Variants in EYS observed in about 807,000 individuals in gnomAD.
EYS encodes EGF-like photoreceptor maintenance factor.
Under a neutral mutation model 282.1 loss-of-function variants are expected in EYS, and 250 were observed. The ratio of observed to expected loss-of-function variants is 0.89; its 90% CI spans 0.80 to 0.98. The LOEUF is 0.98. EYS is among the 50% of genes least tolerant of loss of function. The probability of loss-of-function intolerance (pLI) is 0.00; values close to 1 mark genes in which losing one functional copy is unlikely to be tolerated. For synonymous variants in EYS, 1,355 were observed against 1,282.9 expected (o/e 1.06, Z -1.20); for missense variants, 4,016 against 3,709.0 (o/e 1.08, Z -2.15).
At chr6:64,191,532 T>C (rs1379027957) in intron 31 of EYS, among the ~76,000 whole-genome samples, 1 of 143,290 alleles carries the variant, frequency 7.0e-6, no homozygotes, top group Non-Finnish European at 1.5e-5. Context: ...CCTGTGTCCA[T>C]GTGTTCTCAT....
intron 2 of EYS, among the ~76,000 whole-genome samples, chr6:65,516,169 C>T (rs1767127099): frequency 6.6e-6 from 1 of 151,942 alleles, no homozygotes; most frequent in South Asian, 2.1e-4. Flanking sequence ...TAAAATAATT[C>T]TGGCACATAG....
chr6:65,036,628 A>C (rs975149199), intron 13 of EYS, among the ~76,000 whole-genome samples: 5 of 151,774 alleles, frequency 3.3e-5, no homozygotes, highest in African/African-American at 4.8e-5. Flanking sequence ...CAAAAAAAAA[A>C]CAAAAAAACA....
At chr6:64,492,508 G>T (rs868302351) in intron 26 of EYS, among the ~76,000 whole-genome samples, 6 of 150,804 alleles carry the variant, frequency 4.0e-5, no homozygotes, top group Non-Finnish European at 8.9e-5. Flanking sequence ...TTTAGCCTTT[G>T]TCTTGAATGA....
chr6:65,213,389 T>G (rs1766223589), intron 12 of EYS, among the ~76,000 whole-genome samples: 1 of 152,354 alleles, frequency 6.6e-6, no homozygotes, highest in African/African-American at 2.4e-5. Flanking sequence ...TTTATTATTC[T>G]TTGCTTAATT....
intron 2 of EYS, among the ~76,000 whole-genome samples, chr6:65,618,474 T>G (rs1766313007): frequency 6.6e-6 from 1 of 152,356 alleles, no homozygotes; most frequent in Middle Eastern, 3.4e-3. Context: ...GATGAGTAGG[T>G]TGCAAAAATT....
chr6:65,129,461 A>G (rs1775805761), intron 12 of EYS, among the ~76,000 whole-genome samples: 1 of 151,922 alleles, frequency 6.6e-6, no homozygotes, highest in Non-Finnish European at 1.5e-5. Flanking sequence ...TGAAGAAAAC[A>G]AAAGGCAAAA....
chr6:64,312,559 T>C (rs1299425858), intron 29 of EYS, among the ~76,000 whole-genome samples: 1 of 152,160 alleles, frequency 6.6e-6, no homozygotes, highest in Non-Finnish European at 1.5e-5. Context: ...CTCAAGTGGG[T>C]CCCTGACACC....
chr6:65,250,873 T>C lies in EYS; in HGVS notation c.2023+44990A>G, dbSNP rs549304376. On this transcript the variant is annotated intron_variant, in intron 12 of 42. Transcript: ENST00000503581. The stretch of plus-strand genomic sequence containing the variant: ...GAATTTGCTTCTCTGTGGAAAGACT[T>C]AATTCTACAATAATGCTAGTCCTCA... Among the ~76,000 whole-genome samples the C allele has an allele frequency of 3.3e-5, 5 of 152,004 alleles. No individual in the cohort carries two copies. In the South Asian group the frequency reaches 1.0e-3, roughly 31 times the overall value.
chr6:64,132,079 T>C (rs1414173216), intron 31 of EYS, among the ~76,000 whole-genome samples: 1 of 152,176 alleles, frequency 6.6e-6, no homozygotes, highest in East Asian at 1.9e-4. Flanking sequence ...TATTTCATTA[T>C]AGTTGTCTTT....
chr6:64,449,258 G>A (rs987744750), intron 26 of EYS, among the ~76,000 whole-genome samples: 6 of 152,086 alleles, frequency 3.9e-5, no homozygotes, highest in East Asian at 1.9e-4. Context: ...GGGTATCAGC[G>A]ATGGAAGACG....
At chr6:64,929,962 CATAA>C (rs756477723) in intron 15 of EYS, among the ~76,000 whole-genome samples, 4 of 152,158 alleles carry the variant, frequency 2.6e-5, no homozygotes, top group Non-Finnish European at 5.9e-5. Flanking sequence ...ATAAAATAAA[CATAA>C]ATAAAATCTG....
intron 36 of EYS, among the ~76,000 whole-genome samples, chr6:63,863,881 G>T (rs1275884914): frequency 4.0e-5 from 6 of 151,730 alleles, no homozygotes; most frequent in African/African-American, 1.5e-4. Flanking sequence ...TCACCATGTT[G>T]GTCAGGTGGG....
At chr6:64,175,829 A>G (rs941643388) in intron 31 of EYS, among the ~76,000 whole-genome samples, 1 of 152,152 alleles carries the variant, frequency 6.6e-6, no homozygotes, top group Admixed American at 6.6e-5. Flanking sequence ...CCTAAAACTA[A>G]GAGGACCTAA....
At chr6:64,582,872 G>C (rs1766118462) in intron 26 of EYS, among the ~76,000 whole-genome samples, 1 of 152,108 alleles carries the variant, frequency 6.6e-6, no homozygotes, top group Non-Finnish European at 1.5e-5. Context: ...GGTGCTAGCA[G>C]ATGTACAGGA....
At chr6:65,405,685 G>A (rs1350629036) in intron 5 of EYS, among the ~76,000 whole-genome samples, 1 of 152,012 alleles carries the variant, frequency 6.6e-6, no homozygotes, top group African/African-American at 2.4e-5. Flanking sequence ...AGAAAGGTAT[G>A]ATGGAGTATT....
chr6:64,910,234 C>A (rs1018544260), intron 16 of EYS, among the ~76,000 whole-genome samples: 1 of 152,062 alleles, frequency 6.6e-6, no homozygotes, highest in Admixed American at 6.5e-5. Flanking sequence ...AAAATGTTTT[C>A]TTTTAAAAAC....
intron 12 of EYS, among the ~76,000 whole-genome samples, chr6:65,097,965 T>C (rs1272616295): frequency 2.7e-5 from 4 of 150,842 alleles, no homozygotes; most frequent in Non-Finnish European, 4.5e-5. Flanking sequence ...TGTAAAATAT[T>C]ATGTTGTTTC....
chr6:65,460,652 G>T (rs1319131700), intron 5 of EYS, among the ~76,000 whole-genome samples: 1 of 151,962 alleles, frequency 6.6e-6, no homozygotes, highest in Non-Finnish European at 1.5e-5. Context: ...CCTTCCTTTG[G>T]CAATTTTTCA....
chr6:65,168,202 T>C (rs900510840), intron 12 of EYS, among the ~76,000 whole-genome samples: 2 of 151,248 alleles, frequency 1.3e-5, no homozygotes, highest in African/African-American at 4.8e-5. Flanking sequence ...AAATTATCTT[T>C]TCTTATATAA....
Sources: allele counts gnomAD v4.1 joint callset (sites outside exome capture counted in the v4.1 genomes callset), GRCh38; gene constraint gnomAD v4.1.1; transcripts MANE v1.5; gene names NCBI Gene and HGNC (gene_info 2026-07-23, HGNC 2026-07-21).